KANK1: variants seen among roughly 807,000 people sequenced by gnomAD.
KANK1 encodes KN motif and ankyrin repeat domain-containing protein 1.
A neutral mutation model predicts 106.2 loss-of-function variants in KANK1; 109 were observed. The ratio of observed to expected loss-of-function variants is 1.03; its 90% CI spans 0.88 to 1.20. The LOEUF (loss-of-function observed/expected upper bound fraction) is 1.20. KANK1 is among the 50% of genes most tolerant of loss of function. The pLI is 0.00. For missense variants in KANK1, 2,399 were observed against 1,710.7 expected (o/e 1.40, Z -7.10); for synonymous variants, 873 against 652.2 (o/e 1.34, Z -5.16).
At chr9:683,456 C>G (rs1225178365) in intron 2 of KANK1, among the ~76,000 whole-genome samples, 1 of 152,180 alleles carries the variant, frequency 6.6e-6, no homozygotes, top group Non-Finnish European at 1.5e-5. Flanking sequence ...GCCTTCCTTC[C>G]ATACTCTCAG....
intron 1 of KANK1, among the ~76,000 whole-genome samples, chr9:543,644 A>C (rs1439648167): frequency 6.6e-6 from 1 of 152,182 alleles, no homozygotes; most frequent in Non-Finnish European, 1.5e-5. Context: ...AAGTCAGTAC[A>C]GATCTCAATG....
chr9:686,965 T>G, intron 2 of KANK1: 1 of 981,898 alleles, frequency 1.0e-6, no homozygotes, highest in Non-Finnish European at 1.2e-6. Flanking sequence ...TGGGCTCTTA[T>G]CCTTTGGTAT....
At chr9:545,760 T>C (rs1351587288) in intron 1 of KANK1, among the ~76,000 whole-genome samples, 1 of 137,826 alleles carries the variant, frequency 7.3e-6, no homozygotes, top group African/African-American at 2.8e-5. Context: ...TTAAATTCCC[T>C]GAGATGTAGT....
At chr9:574,193 C>T (rs937167130) in intron 1 of KANK1, among the ~76,000 whole-genome samples, 4 of 152,144 alleles carry the variant, frequency 2.6e-5, no homozygotes, top group Non-Finnish European at 2.9e-5. Flanking sequence ...GAAAGGGGGC[C>T]GAAGCTCTGT....
At chr9:485,764 G>A (rs1049394466) in intron 3 of KANK1, among the ~76,000 whole-genome samples, 16 of 151,994 alleles carry the variant, frequency 1.1e-4, no homozygotes, top group Middle Eastern at 3.4e-3. Context: ...CCAGCTACTC[G>A]GGAGGCTGAG....
rs143866132 is a variant in KANK1 at position 507,717 on chromosome 9, C to T, written c.-84+2963C>T. On this transcript the variant is annotated intron_variant, in intron 1 of 11. Coordinates refer to ENST00000382297, the MANE Select transcript of KANK1 (RefSeq NM_015158.5). ...GACTACAGGCACCGTGTCACCACAC[C>T]CAGCTAATTTTTGTATTTTTAGTAG... is the stretch of plus-strand genomic sequence containing the variant. Among the ~76,000 whole-genome samples, 588 of 152,098 alleles carry T rather than the reference C, an allele frequency of 3.9e-3. 1 individual carries two copies. The highest frequency in any genetic ancestry group is 0.013 in the African/African-American group (550 of 41,494).
intron 11 of KANK1, chr9:744,911 C>T: frequency 2.8e-6 from 4 of 1,419,244 alleles, no homozygotes; most frequent in Non-Finnish European, 3.7e-6. Flanking sequence ...GGCATTGTTC[C>T]TGAAGCAGAT....
chr9:722,325 C>A (rs1274893630), intron 3 of KANK1, among the ~76,000 whole-genome samples: 1 of 151,780 alleles, frequency 6.6e-6, no homozygotes, highest in Non-Finnish European at 1.5e-5. Context: ...CTCTCTCTCT[C>A]TCTCTGTCTC....
At chr9:605,991 C>G (rs1032956713) in intron 1 of KANK1, among the ~76,000 whole-genome samples, 2 of 151,662 alleles carry the variant, frequency 1.3e-5, no homozygotes, top group Non-Finnish European at 2.9e-5. Context: ...ATTAAACAAG[C>G]TATGCCACAC....
At position 741,381 on chromosome 9, in the gene KANK1, G is replaced by A. The variant is rs551539534; in HGVS notation, c.3696+447G>A. ...GTCCCCCAGGCTGGAGTGCAGTGGCGGGATCTTGGCTCACTGCAACCACCC... is the reference window on the plus strand; with the variant it reads ...GTCCCCCAGGCTGGAGTGCAGTGGCAGGATCTTGGCTCACTGCAACCACCC... On this transcript the variant is annotated intron_variant, in intron 9 of 11. Coordinates refer to ENST00000382297, the MANE Select transcript of KANK1 (RefSeq NM_015158.5). Among the ~76,000 whole-genome samples the A allele has an allele frequency of 3.2e-4, 48 of 151,320 alleles. No homozygotes were observed. In the East Asian group the frequency reaches 3.5e-3, roughly 11 times the overall value.
chr9:730,150 A>C lies in KANK1; in HGVS notation c.2798A>C (p.Glu933Ala). 1 of 1,614,172 alleles carries C rather than the reference A, an allele frequency of 6.2e-7. No individual in the cohort carries two copies. The highest frequency in any genetic ancestry group is 8.5e-7 in the Non-Finnish European group (1 of 1,180,020). Residue 933 changes from glutamate (E) to alanine (A), a missense_variant, in exon 4 of 12, where the codon GAA (glutamate) becomes GCA (alanine). Physicochemically the swap from Glu to Ala is moderately radical, Grantham distance 107 (BLOSUM62 -1). Coordinates refer to ENST00000382297, the MANE Select transcript of KANK1 (RefSeq NM_015158.5). Reference protein sequence around the residue: ...SQPEQEVGTSEGKPISSLDAF... With the variant: ...SQPEQEVGTSAGKPISSLDAF... ...CCTGAGCAAGAAGTGGGGACCTCAG[A>C]AGGAAAGCCAATCAGCAGCCTGGAT...
chr9:558,226 G>A (rs972328720), intron 1 of KANK1, among the ~76,000 whole-genome samples: 12 of 152,162 alleles, frequency 7.9e-5, no homozygotes, highest in African/African-American at 2.9e-4. Context: ...ATATAAATAG[G>A]ATATCCAGAG....
intron 4 of KANK1, 97 bp from the exon 5 acceptor site, chr9:731,061 A>G: frequency 3.4e-6 from 2 of 584,478 alleles, no homozygotes; most frequent in Admixed American, 3.4e-5. Context: ...GCCAAGATCT[A>G]CATTTACATG....
intron 2 of KANK1, chr9:693,787 G>C (rs923021478): frequency 1.0e-6 from 1 of 985,364 alleles, no homozygotes; most frequent in South Asian, 4.7e-5. Context: ...TTCTGGGTGG[G>C]TAAGTAAGAA....
In KANK1 at chr9:604,417, C is replaced by G. The variant is rs980534092; in HGVS notation, c.-83-72473C>G. On this transcript the variant is annotated intron_variant, in intron 1 of 11. Coordinates refer to ENST00000382297, the MANE Select transcript of KANK1 (RefSeq NM_015158.5). Reference sequence around the variant, plus strand: ...GTCCTCCTGATAGCGAGGGAGTTCTCATGAGATCTAATGGTTTAAAAGTGT... The same window carrying G: ...GTCCTCCTGATAGCGAGGGAGTTCTGATGAGATCTAATGGTTTAAAAGTGT... Among the ~76,000 whole-genome samples, 4 of 151,652 alleles carry G rather than the reference C, an allele frequency of 2.6e-5. 1 individual carries two copies. Among genetic ancestry groups the G allele is most frequent in the Non-Finnish European group, 5.9e-5 (4 of 68,034 alleles).
At chr9:668,417 A>G (rs11523063) in intron 1 of KANK1, among the ~76,000 whole-genome samples, 44,731 of 152,012 alleles carry the variant, frequency 0.29, 7,922 homozygotes, top group South Asian at 0.46. Context: ...AGTCCATCAA[A>G]TGTATTAATC....
chr9:663,743 C>A (rs535304648), intron 1 of KANK1, among the ~76,000 whole-genome samples: 1 of 152,248 alleles, frequency 6.6e-6, no homozygotes, highest in Admixed American at 6.5e-5. Flanking sequence ...TGGAGCAGAG[C>A]CAGCACGGGA....
At chr9:626,975 T>C (rs1834504352) in intron 1 of KANK1, among the ~76,000 whole-genome samples, 2 of 152,312 alleles carry the variant, frequency 1.3e-5, no homozygotes, top group South Asian at 4.1e-4. Context: ...TCATTCCTTT[T>C]GGTGTTCTGT....
chr9:655,186 G>A (rs1028794893), intron 1 of KANK1, among the ~76,000 whole-genome samples: 2 of 151,980 alleles, frequency 1.3e-5, no homozygotes, highest in Non-Finnish European at 2.9e-5. Context: ...CCTGGCTAAC[G>A]TGGTGAAACC....
Sources: gnomAD v4.1 joint callset for allele counts (sites outside exome capture counted in the v4.1 genomes callset) on GRCh38, gnomAD v4.1.1 for gene constraint, MANE v1.5 for transcripts, NCBI Gene and HGNC (gene_info 2026-07-23, HGNC 2026-07-21) for gene names.